The following LRMDA variants were observed in gnomAD, a reference collection of about 807,000 sequenced individuals.
The protein encoded by LRMDA is leucine-rich melanocyte differentiation-associated protein.
A neutral mutation model predicts 29.8 loss-of-function variants in LRMDA; 18 were observed. The observed-to-expected ratio is 0.60, with a 90% confidence interval of 0.42 to 0.90. LRMDA has a LOEUF of 0.90. LRMDA is among the 40% of genes least tolerant of loss of function. The probability of loss-of-function intolerance (pLI) is 0.00; values close to 1 mark genes in which losing one functional copy is unlikely to be tolerated. For missense variants in LRMDA, 273 were observed against 273.9 expected (o/e 1.00, Z 0.02); for synonymous variants, 125 against 109.4 (o/e 1.14, Z -0.89).
intron 2 of LRMDA, among the ~76,000 whole-genome samples, chr10:75,525,281 C>G (rs953982726): frequency 6.6e-6 from 1 of 152,158 alleles, no homozygotes; most frequent in Non-Finnish European, 1.5e-5. Context: ...AGGGCTGACT[C>G]AGAATGATGG....
intron 2 of LRMDA, among the ~76,000 whole-genome samples, chr10:75,643,427 A>G (rs1393163877): frequency 6.6e-6 from 1 of 152,216 alleles, no homozygotes; most frequent in Non-Finnish European, 1.5e-5. Flanking sequence ...GTTCCGGGGA[A>G]TGAGATGGAA....
intron 6 of LRMDA, among the ~76,000 whole-genome samples, chr10:76,491,464 T>C (rs144738636): frequency 6.6e-6 from 1 of 151,778 alleles, no homozygotes; most frequent in Non-Finnish European, 1.5e-5. Context: ...AGCATAAAAG[T>C]TTTTTTTCCT....
At chr10:75,624,292 T>C (rs916053366) in intron 2 of LRMDA, among the ~76,000 whole-genome samples, 5 of 152,158 alleles carry the variant, frequency 3.3e-5, no homozygotes, top group African/African-American at 4.8e-5. Context: ...TTTTGAGATA[T>C]AGGTTTTATG....
At chr10:76,148,686 T>C (rs1254284352) in intron 5 of LRMDA, among the ~76,000 whole-genome samples, 2 of 152,174 alleles carry the variant, frequency 1.3e-5, no homozygotes, top group Non-Finnish European at 2.9e-5. Context: ...CACAGTGCGC[T>C]GCACCCACTG....
At chr10:75,432,178 T>C (rs1368168401) in intron 1 of LRMDA, among the ~76,000 whole-genome samples, 4 of 152,270 alleles carry the variant, frequency 2.6e-5, no homozygotes, top group Non-Finnish European at 4.4e-5. Flanking sequence ...AATGCAGTTG[T>C]AATATACAAA....
chr10:75,706,523 G>A (rs1485253202), intron 2 of LRMDA, among the ~76,000 whole-genome samples: 1 of 152,122 alleles, frequency 6.6e-6, no homozygotes, highest in Non-Finnish European at 1.5e-5. Context: ...GGCCTTATGA[G>A]GATCAAAAGT....
intron 6 of LRMDA, among the ~76,000 whole-genome samples, chr10:76,504,958 A>T (rs1842944737): frequency 6.6e-6 from 1 of 152,080 alleles, no homozygotes; most frequent in Non-Finnish European, 1.5e-5. Flanking sequence ...TTCCATGTAT[A>T]GCACTCTGTT....
At chr10:76,389,759 A>T (rs1841701370) in intron 6 of LRMDA, among the ~76,000 whole-genome samples, 3 of 152,200 alleles carry the variant, frequency 2.0e-5, no homozygotes, top group Non-Finnish European at 4.4e-5. Context: ...TTCGCTTAGC[A>T]TAATGTCCTC....
At chr10:76,496,900 G>A in intron 6 of LRMDA, among the ~76,000 whole-genome samples, 1 of 74,536 alleles carries the variant, frequency 1.3e-5, no homozygotes, top group South Asian at 3.6e-4. Flanking sequence ...ATAACAAGGA[G>A]AAAGTGGCAT....
chr10:76,428,090 G>A (rs563533253), intron 6 of LRMDA, among the ~76,000 whole-genome samples: 3 of 152,212 alleles, frequency 2.0e-5, no homozygotes, highest in Non-Finnish European at 1.5e-5. Context: ...GTCTCTGCCA[G>A]GCTTTGGACA....
chr10:76,202,723 A>C (rs1487344660), intron 5 of LRMDA, among the ~76,000 whole-genome samples: 1 of 151,982 alleles, frequency 6.6e-6, no homozygotes, highest in Non-Finnish European at 1.5e-5. Context: ...ATTTGTGTCA[A>C]GGAGTTTAGC....
chr10:75,448,678 C>G (rs1040574682), intron 2 of LRMDA, among the ~76,000 whole-genome samples: 2 of 152,136 alleles, frequency 1.3e-5, no homozygotes, highest in Admixed American at 1.3e-4. Context: ...GAATCCTTCC[C>G]CCACTATGCC....
In LRMDA at chr10:76,067,977, C is replaced by G. The variant is rs552348640; in HGVS notation, c.516+9194C>G. The stretch of plus-strand genomic sequence containing the variant: ...TCAGGCCATTGTGTATCCTTGAAGG[C>G]AGGGAAACCTGCAAGAAGGGGGCAG... On this transcript the variant is annotated intron_variant, in intron 5 of 6. Coordinates refer to ENST00000611255, the MANE Select transcript of LRMDA (RefSeq NM_001305581.2). Among the ~76,000 whole-genome samples, 47 of 152,308 alleles carry G rather than the reference C, an allele frequency of 3.1e-4. 1 individual carries two copies. The East Asian group carries it at 7.4e-3, about 24-fold the overall frequency.
intron 4 of LRMDA, among the ~76,000 whole-genome samples, chr10:76,050,803 G>A (rs1028913214): frequency 1.4e-5 from 2 of 144,158 alleles, no homozygotes; most frequent in African/African-American, 5.2e-5. Flanking sequence ...CCTTGCCATT[G>A]CTTTTTTTGT....
At chr10:76,218,662 G>A (rs1206517220) in intron 5 of LRMDA, among the ~76,000 whole-genome samples, 1 of 152,182 alleles carries the variant, frequency 6.6e-6, no homozygotes, top group Admixed American at 6.5e-5. Context: ...TGGTCATCCA[G>A]GTGGGTTCCA....
At chr10:75,451,706 C>T (rs562052629) in intron 2 of LRMDA, 48 of 152,178 alleles carry the variant, frequency 3.2e-4, no homozygotes, top group African/African-American at 1.1e-3. Context: ...CACTTCATCC[C>T]CTACCCTGCT....
At chr10:75,563,410 T>G (rs1564801606) in intron 2 of LRMDA, among the ~76,000 whole-genome samples, 2 of 152,120 alleles carry the variant, frequency 1.3e-5, no homozygotes, top group Non-Finnish European at 1.5e-5. Flanking sequence ...TCTGTATTGG[T>G]TATGCTAGTT....
At chr10:75,774,848 T>G (rs1264509070) in intron 2 of LRMDA, among the ~76,000 whole-genome samples, 1 of 152,178 alleles carries the variant, frequency 6.6e-6, no homozygotes. Context: ...GCTCTTTGAT[T>G]TTTAGAACTT....
At position 76,053,400 on chromosome 10, in the gene LRMDA, C is replaced by G. The variant is rs148690281; in HGVS notation, c.399-5266C>G. Among the ~76,000 whole-genome samples the G allele has an allele frequency of 3.7e-4, 56 of 152,230 alleles. No individual in the cohort carries two copies. The East Asian group carries it at 9.8e-3, about 27-fold the overall frequency. On this transcript the variant is annotated intron_variant, in intron 4 of 6. Coordinates refer to ENST00000611255, the MANE Select transcript of LRMDA (RefSeq NM_001305581.2). ...TAACCCCAGTAACTAAGTAATACAT[C>G]ACAGTAAAGAGATTTTGGTGCAACA...
Sources: allele counts gnomAD v4.1 joint callset (sites outside exome capture counted in the v4.1 genomes callset), GRCh38; gene constraint gnomAD v4.1.1; transcripts MANE v1.5; gene names NCBI Gene and HGNC (gene_info 2026-07-23, HGNC 2026-07-21).